PLXNA2: variants seen among roughly 807,000 people sequenced by gnomAD.
The protein encoded by PLXNA2 is plexin A2, also known as plexin-A2.
PLXNA2 carries 91 observed loss-of-function variants against 193.5 expected under a neutral mutation model. The ratio of observed to expected loss-of-function variants is 0.47; its 90% CI spans 0.40 to 0.56. The LOEUF (loss-of-function observed/expected upper bound fraction) is 0.56. PLXNA2 is among the 20% of genes least tolerant of loss of function. PLXNA2 has a pLI of 0.00. For synonymous variants in PLXNA2, 997 were observed against 1,027.3 expected (o/e 0.97, Z 0.56); for missense variants, 1,995 against 2,503.2 (o/e 0.80, Z 4.33).
At chr1:208,238,134 T>TAGCTAGG (rs1158689523) in intron 1 of PLXNA2, among the ~76,000 whole-genome samples, 3 of 152,190 alleles carry the variant, frequency 2.0e-5, no homozygotes, top group Non-Finnish European at 2.9e-5. Context: ...AGGGTTCCTC[T>TAGCTAGG]GTCAGAAGCT....
chr1:208,099,801 T>C (rs1039552767), intron 5 of PLXNA2, among the ~76,000 whole-genome samples: 2 of 151,850 alleles, frequency 1.3e-5, no homozygotes, highest in Admixed American at 1.3e-4. Context: ...AAACTCCTGA[T>C]CTCGTGATCC....
At chr1:208,093,877 C>G (rs959583708) in intron 8 of PLXNA2, among the ~76,000 whole-genome samples, 5 of 152,220 alleles carry the variant, frequency 3.3e-5, no homozygotes, top group African/African-American at 1.2e-4. Context: ...TCGCAGCCCC[C>G]TTACTCTATC....
chr1:208,112,158 T>A (rs1375559884), intron 4 of PLXNA2, among the ~76,000 whole-genome samples: 2 of 152,152 alleles, frequency 1.3e-5, no homozygotes, highest in East Asian at 3.8e-4. Flanking sequence ...TTTTTCCTCC[T>A]CATTCATAAA....
intron 1 of PLXNA2, among the ~76,000 whole-genome samples, chr1:208,223,755 G>C (rs1289234293): frequency 6.6e-6 from 1 of 152,184 alleles, no homozygotes; most frequent in Non-Finnish European, 1.5e-5. Flanking sequence ...TTCCCAAAGA[G>C]TTAGAGCTAC....
intron 3 of PLXNA2, among the ~76,000 whole-genome samples, chr1:208,186,759 C>T (rs1308277329): frequency 3.6e-5 from 5 of 138,262 alleles, no homozygotes; most frequent in Admixed American, 2.2e-4. Flanking sequence ...GTCGCCCAGG[C>T]GGGACTGCGG....
rs375491783 is a variant in PLXNA2 at position 208,051,292 on chromosome 1, C to T, written c.3125G>A (p.Arg1042Gln). ...CCACTCTGGCTCGATGCGCTGGACC[C>T]GAGGGTCATCTATGTACTCAAACTG... ...NLQFEYIDDP[R>Q]VQRIEPEWSI... The change falls in exon 16 of 32, where the codon CGG becomes CAG. Residue 1042 changes from arginine (R) to glutamine (Q), a missense_variant. By Grantham distance (43) the Arg-to-Gln change is conservative. Coordinates refer to ENST00000367033, the MANE Select transcript of PLXNA2 (RefSeq NM_025179.4). The T allele has an allele frequency of 6.8e-6, 11 of 1,612,970 alleles. No homozygotes were observed. The highest frequency in any genetic ancestry group is 3.3e-5 in the South Asian group (3 of 90,824).
intron 9 of PLXNA2, among the ~76,000 whole-genome samples, chr1:208,088,174 G>A (rs1666588846): frequency 6.6e-6 from 1 of 152,168 alleles, no homozygotes; most frequent in Non-Finnish European, 1.5e-5. Flanking sequence ...ACTTAAACTT[G>A]TAGGAATACC....
intron 5 of PLXNA2, among the ~76,000 whole-genome samples, chr1:208,100,694 C>T (rs936207108): frequency 1.2e-4 from 18 of 152,256 alleles, no homozygotes; most frequent in Admixed American, 6.5e-4. Flanking sequence ...GTTTGTGTCA[C>T]GAAATAATGC....
At position 208,027,127 on chromosome 1, in the gene PLXNA2, G is replaced by A; in HGVS notation, c.*116C>T. ...AGTCCTCCCCTCTCCCCAGGATGGG[G>A]TCTCAGGGGACAGCAAGCTCTGGGG... On this transcript the variant is annotated 3_prime_UTR_variant, in exon 32 of 32. Transcript: ENST00000367033. The A allele has an allele frequency of 1.1e-6, 1 of 944,110 alleles. No homozygotes were observed. The highest frequency in any genetic ancestry group is 1.7e-6 in the Non-Finnish European group (1 of 604,106). The allele number at this position is 944,110 out of a possible 1,614,324, so 58.5% of individuals were successfully genotyped here.
intron 13 of PLXNA2, 36 bp from the exon 14 acceptor site, chr1:208,054,574 G>A (rs114805961): frequency 4.3e-5 from 61 of 1,418,964 alleles, no homozygotes; most frequent in Non-Finnish European, 6.0e-5. Context: ...GAGGGACTGG[G>A]CAAGGGCTGG....
chr1:208,131,947 C>T (rs1668170078), intron 4 of PLXNA2, among the ~76,000 whole-genome samples: 1 of 152,130 alleles, frequency 6.6e-6, no homozygotes, highest in African/African-American at 2.4e-5. Context: ...GCTCAGATCC[C>T]TCAACATTGC....
At chr1:208,187,324 AG>A (rs1670040524) in intron 3 of PLXNA2, among the ~76,000 whole-genome samples, 1 of 152,150 alleles carries the variant, frequency 6.6e-6, no homozygotes, top group South Asian at 2.1e-4. Flanking sequence ...CCAGACTGGC[AG>A]GGTTATGTCA....
In PLXNA2 at chr1:208,092,969, A is replaced by G; in HGVS notation, c.1983-69T>C. 2.7e-6 allele frequency: 3 copies of G among 1,093,040 alleles called. No homozygotes were observed. The South Asian group carries it at 3.9e-5, about 14-fold the overall frequency. The allele number at this position is 1,093,040 out of a possible 1,614,324, so 67.7% of individuals were successfully genotyped here. On this transcript the variant is annotated intron_variant, in intron 8 of 31. Coordinates refer to ENST00000367033, the MANE Select transcript of PLXNA2 (RefSeq NM_025179.4). ...GAGGGAAGGTGGCATGTGTCATGAT[A>G]GAAGTCTGTTAACCTGTGTTTAAAT...
At position 208,028,740 on chromosome 1, in the gene PLXNA2, C is replaced by T. The variant is rs893749475; in HGVS notation, c.5438+90G>A. 10 of 1,194,904 alleles carry T rather than the reference C, an allele frequency of 8.4e-6. No homozygotes were observed. Among genetic ancestry groups the T allele is most frequent in the Middle Eastern group, 2.9e-4 (1 of 3,478 alleles). The allele number at this position is 1,194,904 out of a possible 1,614,324, so 74.0% of individuals were successfully genotyped here. ...GAGGTCCTGAAGAGATGACAGACAC[C>T]GTCGTCTGAGTCCTTAGTCAGTGAT... On this transcript the variant is annotated intron_variant, in intron 30 of 31. Coordinates refer to ENST00000367033, the MANE Select transcript of PLXNA2 (RefSeq NM_025179.4). This position sits in a 1 kb window ranked among gnomAD's most constrained non-coding sequence, Gnocchi z 4.2.
chr1:208,023,211 A>C lies in PLXNA2; in HGVS notation c.*4032T>G, dbSNP rs938430055. Reference sequence around the variant, plus strand: ...TCACCCACTGAGCCTCCTGAGTCTCAATTCTTTTCTCTCTGTGCCCAGGCC... The same window carrying C: ...TCACCCACTGAGCCTCCTGAGTCTCCATTCTTTTCTCTCTGTGCCCAGGCC... On this transcript the variant is annotated 3_prime_UTR_variant, in exon 32 of 32. Transcript: ENST00000367033. 5.2e-5 allele frequency: 8 copies of C among 152,424 alleles called. No individual in the cohort carries two copies. Among genetic ancestry groups the C allele is most frequent in the African/African-American group, 1.7e-4 (7 of 41,436 alleles). 9.4% of individuals were successfully genotyped at this position (152,424 alleles called of 1,614,324 possible). A position where few individuals can be genotyped will look rare whatever the true frequency, so the allele number is the denominator to read the frequency against.
chr1:208,178,152 G>A (rs952156189), intron 3 of PLXNA2, among the ~76,000 whole-genome samples: 1 of 152,116 alleles, frequency 6.6e-6, no homozygotes, highest in Non-Finnish European at 1.5e-5. Flanking sequence ...AAAAAAAAGA[G>A]CAAAGGTCAC....
intron 1 of PLXNA2, among the ~76,000 whole-genome samples, chr1:208,241,236 A>G (rs1672039687): frequency 6.6e-6 from 1 of 152,214 alleles, no homozygotes; most frequent in Non-Finnish European, 1.5e-5. Context: ...TTTTAACCTC[A>G]TTTTAAGTGC....
intron 3 of PLXNA2, among the ~76,000 whole-genome samples, chr1:208,201,329 T>G (rs566493532): frequency 5.3e-5 from 8 of 152,330 alleles, no homozygotes; most frequent in African/African-American, 1.9e-4. Flanking sequence ...CAACTGACAC[T>G]TCCTTCAGCC....
At chr1:208,205,162 C>T (rs931121633) in intron 3 of PLXNA2, among the ~76,000 whole-genome samples, 1 of 152,204 alleles carries the variant, frequency 6.6e-6, no homozygotes, top group African/African-American at 2.4e-5. Context: ...CCTCTTTTGC[C>T]CCATGGCATG....
Sources: gnomAD v4.1 joint callset for allele counts (sites outside exome capture counted in the v4.1 genomes callset) on GRCh38, gnomAD v4.1.1 for gene constraint, Gnocchi (gnomAD v3.1) non-coding constraint, MANE v1.5 for transcripts, NCBI Gene and HGNC (gene_info 2026-07-23, HGNC 2026-07-21) for gene names.